Variants in EPC2 observed in about 807,000 individuals in gnomAD.
EPC2 encodes the protein enhancer of polycomb 2.
In EPC2, 14 loss-of-function variants were observed where a neutral mutation model predicts 92.1. The observed-to-expected ratio is 0.15, with a 90% CI of 0.10 to 0.24. EPC2 has a LOEUF of 0.24. Among genes scored for constraint, EPC2 ranks in the 10% least tolerant of loss-of-function variants. The pLI, the probability that EPC2 is intolerant of heterozygous loss-of-function variation, is 1.00. For synonymous variants in EPC2, 340 were observed against 334.7 expected, an observed-to-expected ratio of 1.02 and a Z score of -0.17; for missense variants, 755 against 971.5, an observed-to-expected ratio of 0.78 and a Z score of 2.96.
At chr2:148,653,950 G>GTTTT (rs34810067) in intron 1 of EPC2, among the ~76,000 whole-genome samples, 1 of 131,786 alleles carries the variant, frequency 7.6e-6, no homozygotes, top group African/African-American at 2.8e-5. Context: ...TTTTTTTTTT[G>GTTTT]TTTTTTTTTT....
intron 2 of EPC2, among the ~76,000 whole-genome samples, chr2:148,715,780 G>T (rs1682247819): frequency 6.6e-6 from 1 of 152,092 alleles, no homozygotes; most frequent in African/African-American, 2.4e-5. Context: ...GTAGTTTAAT[G>T]GGAATAGCAT....
At chr2:148,659,782 A>T (rs1396383675) in intron 1 of EPC2, among the ~76,000 whole-genome samples, 1 of 152,142 alleles carries the variant, frequency 6.6e-6, no homozygotes, top group Non-Finnish European at 1.5e-5. Flanking sequence ...GTTTAGAAAC[A>T]GTGGCATAAA....
rs559022166 is a variant in EPC2, at chr2:148,681,968, G to A, written c.154-8246G>A. Among the ~76,000 whole-genome samples, 343 of 152,136 alleles carry A rather than the reference G, an allele frequency of 2.3e-3. 4 individuals carry two copies. The highest frequency in any genetic ancestry group is 6.8e-3 in the African/African-American group (281 of 41,478). ...TTCCCACCTATGAGTGAGAACATGCGGTGTTTGGTTTTTTGTCCTTGTGAT... is the reference window on the plus strand; with the variant it reads ...TTCCCACCTATGAGTGAGAACATGCAGTGTTTGGTTTTTTGTCCTTGTGAT... On this transcript the variant is annotated intron_variant, in intron 1 of 13. Transcript: ENST00000258484.
intron 2 of EPC2, among the ~76,000 whole-genome samples, chr2:148,740,957 G>C (rs2105405315): frequency 6.6e-6 from 1 of 152,164 alleles, no homozygotes; most frequent in Admixed American, 6.5e-5. Context: ...TAGTTTATGA[G>C]CTCTGTATCA....
intron 1 of EPC2, among the ~76,000 whole-genome samples, chr2:148,646,672 A>G (rs1487104768): frequency 1.3e-5 from 2 of 151,908 alleles, no homozygotes; most frequent in Non-Finnish European, 2.9e-5. Flanking sequence ...ATCATATTAT[A>G]TACAATAGTT....
Position 148,644,965 on chromosome 2 carries a change from C to G in EPC2, c.-53C>G. The G allele has an allele frequency of 2.1e-6, 3 of 1,462,236 alleles. No individual in the cohort carries two copies. The highest frequency in any genetic ancestry group is 2.8e-6 in the Non-Finnish European group (3 of 1,077,338). 90.6% of individuals were successfully genotyped at this position (1,462,236 alleles called of 1,614,324 possible). On this transcript the variant is annotated 5_prime_UTR_variant, in exon 1 of 14. Transcript: ENST00000258484. ...GAGGCGGCGGGAGTCCTCCCCCCCT[C>G]CCCGCCCGCCCCGCCGCCGCCGCCC... is the stretch of plus-strand genomic sequence containing the variant.
intron 4 of EPC2, among the ~76,000 whole-genome samples, chr2:148,757,951 C>A (rs1047136803): frequency 5.9e-5 from 9 of 151,976 alleles, no homozygotes; most frequent in Admixed American, 1.3e-4. Context: ...AGGTGTAGGG[C>A]TGGAATACAA....
intron 1 of EPC2, among the ~76,000 whole-genome samples, chr2:148,682,647 AG>A (rs1345409184): frequency 1.3e-5 from 2 of 152,120 alleles, no homozygotes; most frequent in Non-Finnish European, 2.9e-5. Context: ...GGTTTCTACA[AG>A]GGCCTTCTCT....
Position 148,734,268 on chromosome 2 carries a change from C to A in EPC2, c.314-9354C>A, listed in dbSNP as rs1263790313. On this transcript the variant is annotated intron_variant, in intron 2 of 13. Coordinates refer to ENST00000258484, the MANE Select transcript of EPC2 (RefSeq NM_015630.4). ...CTTTAAGTTTTATAAATCAAAAGCA[C>A]ATTGGGTACAAATTAATCTTTAAAA... 2.0e-5 allele frequency among the ~76,000 whole-genome samples: 3 copies of A among 151,818 alleles called. No individual in the cohort carries two copies. In the East Asian group the frequency reaches 5.8e-4, roughly 29 times the overall value.
intron 2 of EPC2, among the ~76,000 whole-genome samples, chr2:148,723,183 G>C (rs1333670128): frequency 6.6e-6 from 1 of 151,984 alleles, no homozygotes; most frequent in Non-Finnish European, 1.5e-5. Flanking sequence ...AAAAGTTTAA[G>C]AAAAAAAGCA....
intron 1 of EPC2, among the ~76,000 whole-genome samples, chr2:148,670,994 C>T (rs1681142979): frequency 6.6e-6 from 1 of 152,104 alleles, no homozygotes; most frequent in South Asian, 2.1e-4. Flanking sequence ...CCTATTCTTT[C>T]TCATTCTTGA....
At chr2:148,771,872 C>T (rs562552397) in intron 10 of EPC2, among the ~76,000 whole-genome samples, 1 of 151,624 alleles carries the variant, frequency 6.6e-6, no homozygotes, top group East Asian at 1.9e-4. Context: ...AATCTCAGCT[C>T]ACTGCAACCT....
chr2:148,678,833 C>T (rs1442112023), intron 1 of EPC2, among the ~76,000 whole-genome samples: 1 of 152,224 alleles, frequency 6.6e-6, no homozygotes, highest in African/African-American at 2.4e-5. Context: ...GAAAGGGGCT[C>T]CCACAGTGCA....
At chr2:148,727,939 T>A (rs1302363052) in intron 2 of EPC2, among the ~76,000 whole-genome samples, 3 of 152,220 alleles carry the variant, frequency 2.0e-5, no homozygotes, top group Non-Finnish European at 4.4e-5. Context: ...CAAGTGACCA[T>A]AAGTTCATGT....
intron 2 of EPC2, among the ~76,000 whole-genome samples, chr2:148,714,100 C>A (rs916130110): frequency 1.7e-4 from 25 of 148,152 alleles, no homozygotes; most frequent in African/African-American, 4.0e-4. Context: ...TCGTTCCCCC[C>A]ATCCCCATGT....
intron 2 of EPC2, among the ~76,000 whole-genome samples, chr2:148,713,571 T>G (rs919532217): frequency 6.6e-6 from 1 of 152,014 alleles, no homozygotes; most frequent in African/African-American, 2.4e-5. Flanking sequence ...TGTAATGTCC[T>G]AAGCCTTTGC....
rs189004596 is a variant in EPC2 at position 148,776,900 on chromosome 2, G to A, written c.1721-4744G>A. Among the ~76,000 whole-genome samples the A allele has an allele frequency of 6.8e-5, 8 of 118,292 alleles. No homozygotes were observed. The Admixed American group carries it at 8.5e-4, about 13-fold the overall frequency. The allele number at this position is 118,292 out of a possible 152,430, so 77.6% of individuals were successfully genotyped here. A position where few individuals can be genotyped will look rare whatever the true frequency, so the allele number is the denominator to read the frequency against. Reference sequence around the variant, plus strand: ...TTTTGAGACAGAGTCTTGTTCTCTCGCCCACACTGGAGTGCAATGGCACGA... The same window carrying A: ...TTTTGAGACAGAGTCTTGTTCTCTCACCCACACTGGAGTGCAATGGCACGA... On this transcript the variant is annotated intron_variant, in intron 10 of 13. Transcript: ENST00000258484.
chr2:148,777,246 T>A (rs1174841024), intron 10 of EPC2, among the ~76,000 whole-genome samples: 1 of 152,192 alleles, frequency 6.6e-6, no homozygotes, highest in Non-Finnish European at 1.5e-5. Flanking sequence ...AAATACTAGA[T>A]GATGTATTCT....
chr2:148,766,327 C>T (rs1643965064), intron 7 of EPC2, among the ~76,000 whole-genome samples: 1 of 152,106 alleles, frequency 6.6e-6, no homozygotes. Flanking sequence ...AAAATGTGTC[C>T]ATTTGGCTGG....
Sources: gnomAD v4.1 joint callset for allele counts (sites outside exome capture counted in the v4.1 genomes callset) on GRCh38, gnomAD v4.1.1 for gene constraint, MANE v1.5 for transcripts, NCBI Gene and HGNC (gene_info 2026-07-23, HGNC 2026-07-21) for gene names.